The following GPHN variants were observed in gnomAD, a reference collection of about 807,000 sequenced individuals.
GPHN encodes the protein gephyrin.
Under a neutral mutation model 95.5 loss-of-function variants are expected in GPHN, and 17 were observed. The ratio of observed to expected loss-of-function variants is 0.18; its 90% CI spans 0.12 to 0.27. GPHN has a LOEUF of 0.27. Among genes scored for constraint, GPHN ranks in the 10% least tolerant of loss-of-function variants. The pLI is 1.00. For synonymous variants in GPHN, 320 were observed against 322.5 expected, an observed-to-expected ratio of 0.99 and a Z score of 0.08; for missense variants, 660 against 978.1, an observed-to-expected ratio of 0.67 and a Z score of 4.34.
the GPHN span, among the ~76,000 whole-genome samples, chr14:67,416,673 ATG>A: frequency 3.9e-5 from 6 of 152,360 alleles, no homozygotes; most frequent in South Asian, 1.0e-3. Context: ...GATACTGAGA[ATG>A]TCCGTGTACA....
intron 1 of GPHN, among the ~76,000 whole-genome samples, chr14:66,658,608 G>A (rs2065448224): frequency 6.6e-6 from 1 of 152,104 alleles, no homozygotes; most frequent in Non-Finnish European, 1.5e-5. Context: ...ACATCTCATT[G>A]AAGGGTTAGA....
the GPHN span, among the ~76,000 whole-genome samples, chr14:67,247,207 T>C: frequency 2.6e-5 from 4 of 152,240 alleles, no homozygotes; most frequent in Non-Finnish European, 5.9e-5. Context: ...TATGTGAGTA[T>C]TGTAGTTTTC....
At chr14:66,932,944 T>G (rs1374145384) in intron 8 of GPHN, among the ~76,000 whole-genome samples, 1 of 152,232 alleles carries the variant, frequency 6.6e-6, no homozygotes, top group Non-Finnish European at 1.5e-5. Flanking sequence ...TATTAGGGTT[T>G]AATTCTTTGG....
chr14:66,584,826 C>T (rs1177282199), intron 1 of GPHN, among the ~76,000 whole-genome samples: 2 of 151,724 alleles, frequency 1.3e-5, no homozygotes, highest in South Asian at 2.1e-4. Flanking sequence ...CAATGTTCAT[C>T]AAGGATATTG....
At chr14:67,123,363 A>G (rs902431610) in intron 17 of GPHN, among the ~76,000 whole-genome samples, 12 of 152,220 alleles carry the variant, frequency 7.9e-5, no homozygotes, top group Non-Finnish European at 1.8e-4. Flanking sequence ...TTAGGCTCAC[A>G]CTGGACATAG....
At chr14:67,578,404 C>T in the GPHN span, 1 of 805,138 alleles carries the variant, frequency 1.2e-6, no homozygotes, top group Non-Finnish European at 2.1e-6. The surrounding 1 kb of genome is among the most constrained non-coding windows in gnomAD (Gnocchi z 5.0). Context: ...AGTTGGCCAT[C>T]CCAGCACCCA....
chr14:66,630,861 T>C, intron 1 of GPHN, among the ~76,000 whole-genome samples: 1 of 152,204 alleles, frequency 6.6e-6, no homozygotes. Context: ...TATGTTGACT[T>C]GATCATAGCT....
chr14:67,392,470 C>A, the GPHN span: 1 of 1,444,694 alleles, frequency 6.9e-7, no homozygotes, highest in Non-Finnish European at 9.8e-7. Flanking sequence ...CAGAAAAGAC[C>A]CAGGCCCAGG....
chr14:67,519,717 T>TG, the GPHN span, among the ~76,000 whole-genome samples: 1 of 150,508 alleles, frequency 6.6e-6, no homozygotes, highest in East Asian at 2.0e-4. Context: ...TAAGTTTGTT[T>TG]TTTTTTTTTT....
At chr14:66,512,235 T>C (rs1005483795) in intron 1 of GPHN, among the ~76,000 whole-genome samples, 5 of 151,914 alleles carry the variant, frequency 3.3e-5, no homozygotes, top group African/African-American at 1.2e-4. Flanking sequence ...AGGCTCACTA[T>C]ATCTGGAATA....
At chr14:67,023,720 T>C (rs1343476538) in intron 10 of GPHN, 45 bp downstream of exon 10, 46 of 1,466,702 alleles carry the variant, frequency 3.1e-5, no homozygotes, top group Middle Eastern at 1.7e-4. Flanking sequence ...CTAGAGCTTA[T>C]AAAGCTAAAA....
the GPHN span, among the ~76,000 whole-genome samples, chr14:67,339,244 G>A: frequency 1.5e-4 from 23 of 152,100 alleles, no homozygotes; most frequent in Middle Eastern, 3.4e-3. Flanking sequence ...TGATCCACCC[G>A]CCTTGGCCTC....
the GPHN span, chr14:67,727,198 T>A: frequency 6.2e-7 from 1 of 1,607,580 alleles, no homozygotes; most frequent in Non-Finnish European, 8.5e-7. Flanking sequence ...AAGGTAAGTC[T>A]GGAGAAAGAG....
intron 1 of GPHN, among the ~76,000 whole-genome samples, chr14:66,531,450 A>G (rs145193118): frequency 1.3e-5 from 2 of 152,296 alleles, no homozygotes; most frequent in East Asian, 3.9e-4. Flanking sequence ...CAAACAAACA[A>G]AAAAATTGTC....
At chr14:66,872,890 CAAA>C (rs371975715) in intron 4 of GPHN, among the ~76,000 whole-genome samples, 14 of 89,046 alleles carry the variant, frequency 1.6e-4, no homozygotes, top group Middle Eastern at 6.0e-3. Context: ...AACTTTGTCC[CAAA>C]AAAAAAAAAA....
the GPHN span, among the ~76,000 whole-genome samples, chr14:67,354,558 G>A: frequency 6.6e-6 from 1 of 152,136 alleles, no homozygotes. Flanking sequence ...GGAGAAACAA[G>A]CTAAATGCTA....
chr14:67,374,416 T>C, the GPHN span: 1 of 1,157,306 alleles, frequency 8.6e-7, no homozygotes, highest in South Asian at 1.7e-5. Flanking sequence ...CTGGTTACAA[T>C]AGTACAGTGG....
intron 8 of GPHN, among the ~76,000 whole-genome samples, chr14:66,952,385 C>T (rs759870117): frequency 9.4e-4 from 143 of 151,622 alleles, no homozygotes; most frequent in Non-Finnish European, 1.8e-3. Flanking sequence ...TATGGCTGCA[C>T]AATATTCCAT....
At chr14:67,458,853 G>C in the GPHN span, among the ~76,000 whole-genome samples, 24 of 152,208 alleles carry the variant, frequency 1.6e-4, no homozygotes, top group South Asian at 5.0e-3. Flanking sequence ...ATGTAGCTGG[G>C]ACTACCAAAG....
Sources: allele counts gnomAD v4.1 joint callset (sites outside exome capture counted in the v4.1 genomes callset), GRCh38; gene constraint gnomAD v4.1.1; non-coding constraint Gnocchi (gnomAD v3.1); transcripts MANE v1.5; gene names NCBI Gene and HGNC (gene_info 2026-07-23, HGNC 2026-07-21).